Variants in FOXO3 observed in about 807,000 individuals in gnomAD.
FOXO3 encodes the protein forkhead box protein O3.
Under a neutral mutation model 41.9 loss-of-function variants are expected in FOXO3, and 4 were observed. The observed-to-expected ratio is 0.10, with a 90% CI of 0.05 to 0.22. FOXO3 has a LOEUF of 0.22. Ranked by LOEUF, FOXO3 falls within the 10% of genes least tolerant of loss-of-function variation. FOXO3 has a pLI of 1.00. For synonymous variants in FOXO3, 318 were observed against 389.3 expected (o/e 0.82, Z 2.16); for missense variants, 534 against 906.8 (o/e 0.59, Z 5.28).
At chr6:108,565,963 A>G (rs1456229316) in intron 1 of FOXO3, among the ~76,000 whole-genome samples, 2 of 152,176 alleles carry the variant, frequency 1.3e-5, no homozygotes, top group African/African-American at 4.8e-5. Flanking sequence ...CCAAAAGGCC[A>G]GTTATGGTCG....
intron 1 of FOXO3, among the ~76,000 whole-genome samples, chr6:108,581,074 T>C (rs906190999): frequency 5.3e-5 from 8 of 152,222 alleles, no homozygotes; most frequent in Non-Finnish European, 7.3e-5. Flanking sequence ...GCCCCTTCTG[T>C]GGAAGTTGAA....
rs546429865 is a variant in FOXO3 at position 108,570,776 on chromosome 6, C to A, written c.621+8947C>A. ...TTTTCTCCACACAGCTAAAATAATACCTTGATTATTTTTTAAAGAACTCTG... is the reference window on the plus strand; with the variant it reads ...TTTTCTCCACACAGCTAAAATAATAACTTGATTATTTTTTAAAGAACTCTG... On this transcript the variant is annotated intron_variant, in intron 1 of 2. Transcript: ENST00000406360. 2.0e-5 allele frequency among the ~76,000 whole-genome samples: 3 copies of A among 152,048 alleles called. No individual in the cohort carries two copies. The South Asian group carries it at 6.2e-4, about 32-fold the overall frequency.
At position 108,684,190 on chromosome 6, in the gene FOXO3, A is replaced by G. The variant is rs1770977852; in HGVS notation, c.*4398A>G. On this transcript the variant is annotated 3_prime_UTR_variant, in exon 3 of 3. Coordinates refer to ENST00000406360, the MANE Select transcript of FOXO3 (RefSeq NM_001455.4). ...TCTAAAATTATCTCATTGCCTGGCAATCAGTCTTCTCTTGTATACTTGTCC... is the reference window on the plus strand; with the variant it reads ...TCTAAAATTATCTCATTGCCTGGCAGTCAGTCTTCTCTTGTATACTTGTCC... The G allele has an allele frequency of 6.6e-6, 1 of 152,582 alleles. No individual in the cohort carries two copies. Among genetic ancestry groups the G allele is most frequent in the Non-Finnish European group, 1.5e-5 (1 of 68,032 alleles). 9.5% of individuals were successfully genotyped at this position (152,582 alleles called of 1,614,324 possible).
At chr6:108,602,219 A>G (rs1582766380) in intron 1 of FOXO3, among the ~76,000 whole-genome samples, 1 of 152,344 alleles carries the variant, frequency 6.6e-6, no homozygotes, top group Non-Finnish European at 1.5e-5. Context: ...GAGAGCATAC[A>G]GAATTTTAAA....
chr6:108,639,887 C>G (rs1277214916), intron 1 of FOXO3, among the ~76,000 whole-genome samples: 1 of 152,172 alleles, frequency 6.6e-6, no homozygotes, highest in Non-Finnish European at 1.5e-5. Flanking sequence ...GAATCAATTA[C>G]TGTGAGGTTC....
rs370414383 is a variant in FOXO3, at chr6:108,641,886, A to G, written c.622-21569A>G. 1.3e-4 allele frequency among the ~76,000 whole-genome samples: 20 copies of G among 152,322 alleles called. No individual in the cohort carries two copies. The East Asian group carries it at 3.9e-3, about 29-fold the overall frequency. Reference sequence around the variant, plus strand: ...ACCTAAAATAGACTGTACTTTGAATACAAATGCTATTCATTGTATTAAGAC... The same window carrying G: ...ACCTAAAATAGACTGTACTTTGAATGCAAATGCTATTCATTGTATTAAGAC... On this transcript the variant is annotated intron_variant, in intron 1 of 2. Transcript: ENST00000406360.
At chr6:108,604,045 TG>T (rs1777124997) in intron 1 of FOXO3, among the ~76,000 whole-genome samples, 1 of 152,194 alleles carries the variant, frequency 6.6e-6, no homozygotes, top group Admixed American at 6.5e-5. Flanking sequence ...GATCACATCC[TG>T]CAAACAACTG....
intron 1 of FOXO3, among the ~76,000 whole-genome samples, chr6:108,635,393 C>T (rs1238928830): frequency 2.0e-5 from 3 of 152,008 alleles, no homozygotes; most frequent in African/African-American, 7.2e-5. Flanking sequence ...AGAGGGAATA[C>T]GAAGGGTATT....
At chr6:108,676,820 A>G (rs1471852223) in intron 2 of FOXO3, among the ~76,000 whole-genome samples, 1 of 152,250 alleles carries the variant, frequency 6.6e-6, no homozygotes, top group Non-Finnish European at 1.5e-5. Flanking sequence ...GAGCCATTAA[A>G]AATCTAAGAC....
At chr6:108,560,916 C>G (rs1488482732), upstream of FOXO3, 6 of 1,217,348 alleles carry the variant, frequency 4.9e-6, no homozygotes, top group East Asian at 1.6e-4. Context: ...GGCCGGGGGG[C>G]GGTGTCTGCT....
At chr6:108,596,315 G>C (rs931365969) in intron 1 of FOXO3, among the ~76,000 whole-genome samples, 1 of 146,380 alleles carries the variant, frequency 6.8e-6, no homozygotes, top group African/African-American at 2.5e-5. Context: ...ATGTGATTTG[G>C]ATATGATTTC....
At chr6:108,660,403 C>T (rs1778809503) in intron 1 of FOXO3, among the ~76,000 whole-genome samples, 1 of 152,236 alleles carries the variant, frequency 6.6e-6, no homozygotes, top group Non-Finnish European at 1.5e-5. Flanking sequence ...ATCAGATACT[C>T]AGCATGTTGC....
rs143675435 is a variant in FOXO3, at chr6:108,628,019, T to A, written c.622-35436T>A. Among the ~76,000 whole-genome samples, 480 of 152,278 alleles carry A rather than the reference T, an allele frequency of 3.2e-3. 10 individuals carry two copies. The highest frequency in any genetic ancestry group is 0.01 in the East Asian group (53 of 5,178). ...TTATATATAATTATTATTTTGGAGA[T>A]AGAGTCCCTAAGCCTGTTTTGTCTT... On this transcript the variant is annotated intron_variant, in intron 1 of 2. Transcript: ENST00000406360.
intron 1 of FOXO3, among the ~76,000 whole-genome samples, chr6:108,638,154 A>G (rs545423480): frequency 5.8e-4 from 89 of 152,288 alleles, no homozygotes; most frequent in African/African-American, 2.1e-3. Flanking sequence ...GCATTTTGAG[A>G]TGAATGGGAC....
intron 1 of FOXO3, among the ~76,000 whole-genome samples, chr6:108,648,551 T>C (rs1210331619): frequency 6.6e-6 from 1 of 152,210 alleles, no homozygotes; most frequent in Non-Finnish European, 1.5e-5. Context: ...CTGCCTCTCT[T>C]GCTTTTTGTT....
intron 1 of FOXO3, among the ~76,000 whole-genome samples, chr6:108,569,144 C>G (rs1776022535): frequency 6.6e-6 from 1 of 152,138 alleles, no homozygotes. Context: ...GTTTTCTGTC[C>G]ATGGATTGGG....
At chr6:108,583,595 G>C (rs1776494378) in intron 1 of FOXO3, among the ~76,000 whole-genome samples, 1 of 152,180 alleles carries the variant, frequency 6.6e-6, no homozygotes, top group African/African-American at 2.4e-5. Flanking sequence ...GGTACACTTG[G>C]ATATCTTTTA....
upstream of FOXO3, among the ~76,000 whole-genome samples, chr6:108,560,714 C>T (rs1775750550): frequency 6.6e-6 from 1 of 152,084 alleles, no homozygotes. Flanking sequence ...CGAGCTCGGG[C>T]TCTGACCGCG....
chr6:108,678,662 G>C (rs1172048753), intron 2 of FOXO3, among the ~76,000 whole-genome samples: 1 of 151,802 alleles, frequency 6.6e-6, no homozygotes. Flanking sequence ...GATTGTTAAT[G>C]GGGTGTTTTA....
Sources: allele counts gnomAD v4.1 joint callset (sites outside exome capture counted in the v4.1 genomes callset), GRCh38; gene constraint gnomAD v4.1.1; transcripts MANE v1.5; gene names NCBI Gene and HGNC (gene_info 2026-07-23, HGNC 2026-07-21).